The following GOLGA8H variants were observed in gnomAD, a reference collection of about 807,000 sequenced individuals.
The protein encoded by GOLGA8H is golgin A8 family member H, also known as golgin subfamily A member 8H.
A neutral mutation model predicts 82.7 loss-of-function variants in GOLGA8H; 47 were observed. The observed-to-expected ratio is 0.57, with a 90% CI of 0.45 to 0.73. The LOEUF (loss-of-function observed/expected upper bound fraction) is 0.73. GOLGA8H is among the 30% of genes least tolerant of loss of function. GOLGA8H has a pLI of 0.00. For synonymous variants in GOLGA8H, 108 were observed against 241.6 expected (o/e 0.45, Z 5.13); for missense variants, 372 against 661.0 (o/e 0.56, Z 4.79).
chr15:30,611,443 G>C (rs1239954329), intron 13 of GOLGA8H, 97 bp downstream of exon 13: 1 of 1,522,242 alleles, frequency 6.6e-7, no homozygotes, highest in Non-Finnish European at 8.8e-7. Flanking sequence ...GCAGCTTCCA[G>C]CCTGGGGGCT....
rs2060054015 is a variant in GOLGA8H at position 30,613,337 on chromosome 15, C to T, written c.1368+142C>T. On this transcript the variant is annotated intron_variant, in intron 15 of 18. Transcript: ENST00000566740. ...GAGCCAGTGGTCAGACTCCATTTCA[C>T]CTGTGGCCAACAGGTGCACTCTCTG... 51 of 757,566 alleles carry T rather than the reference C, an allele frequency of 6.7e-5. 19 individuals are homozygous for T. The highest frequency in any genetic ancestry group is 6.2e-5 in the Non-Finnish European group (31 of 498,390). 46.9% of individuals were successfully genotyped at this position (757,566 alleles called of 1,614,324 possible).
At chr15:30,607,757 C>T (rs1488290258) in intron 4 of GOLGA8H, 26 of 601,720 alleles carry the variant, frequency 4.3e-5, no homozygotes, top group Non-Finnish European at 6.4e-5. Context: ...GAAGGAGGGG[C>T]CTTTCTGAAA....
At position 30,614,541 on chromosome 15, in the gene GOLGA8H, C is replaced by A. The variant is rs757028458; in HGVS notation, c.1879C>A (p.Leu627Met). The change falls in exon 19 of 19, where the codon CTG (leucine) becomes ATG (methionine). Residue 627 changes from leucine (L) to methionine (M), a missense_variant. By Grantham distance (15) the Leu-to-Met change is conservative. Coordinates refer to ENST00000566740, the MANE Select transcript of GOLGA8H (RefSeq NM_001282490.2). ...TGTGCCATTGTTGTGCTGGGCTTGG[C>A]TGCCAAGAAGAAGGAGATAAACATC... ...CCVPLLCWAW[L>M]PRRRR 2.5e-6 allele frequency: 4 copies of A among 1,602,160 alleles called. No individual in the cohort carries two copies. The East Asian group carries it at 6.7e-5, about 27-fold the overall frequency.
At position 30,615,237 on chromosome 15, in the gene GOLGA8H, T is replaced by C. The variant is rs1292954136; in HGVS notation, c.*676T>C. 6.6e-6 allele frequency among the ~76,000 whole-genome samples: 1 copy of C among 151,798 alleles called. No homozygotes were observed. The highest frequency in any genetic ancestry group is 2.4e-5 in the African/African-American group (1 of 41,338). ...CCTCCTCTGGCAGGTACGTGCAGGA[T>C]AGAGTGTGTTTCATCTGTTCCGGTG... is the stretch of plus-strand genomic sequence containing the variant. On this transcript the variant is annotated 3_prime_UTR_variant, in exon 19 of 19. Coordinates refer to ENST00000566740, the MANE Select transcript of GOLGA8H (RefSeq NM_001282490.2).
rs917626485 is a variant in GOLGA8H at position 30,614,912 on chromosome 15, T to C, written c.*351T>C. Among the ~76,000 whole-genome samples the C allele has an allele frequency of 2.0e-5, 3 of 151,738 alleles. No homozygotes were observed. Among genetic ancestry groups the C allele is most frequent in the Non-Finnish European group, 4.4e-5 (3 of 67,912 alleles). On this transcript the variant is annotated 3_prime_UTR_variant, in exon 19 of 19. Coordinates refer to ENST00000566740, the MANE Select transcript of GOLGA8H (RefSeq NM_001282490.2). ...CTCTTTGGTTTGGAATAGGCTGCCA[T>C]GCTTTTTTAATGTTATTGCAGCATG...
Position 30,609,821 on chromosome 15 carries a change from A to G in GOLGA8H, c.607A>G (p.Lys203Glu). 1.3e-6 allele frequency: 2 copies of G among 1,579,052 alleles called. No homozygotes were observed. Among genetic ancestry groups the G allele is most frequent in the Non-Finnish European group, 1.7e-6 (2 of 1,156,806 alleles). Residue 203 changes from lysine (K) to glutamate (E), a missense_variant, in exon 9 of 19, where the codon AAA (lysine) becomes GAA (glutamate). Physicochemically the swap from Lys to Glu is moderately conservative, Grantham distance 56. Coordinates refer to ENST00000566740, the MANE Select transcript of GOLGA8H (RefSeq NM_001282490.2). ...KKANQLSSRSKARTEWKLEQS... is the reference protein window; with the variant it reads ...KKANQLSSRSEARTEWKLEQS... ...CACCATCCAGTTGTCCAGCCGCAGC[A>G]AAGCACGTACGGAGTGGAAGTTAGA... is the stretch of plus-strand genomic sequence containing the variant.
rs1905385 is a variant in GOLGA8H, at chr15:30,617,677, A to G, written c.*3116A>G. 22,982 of 151,856 alleles carry G rather than the reference A, an allele frequency of 0.15. 1,795 individuals carry two copies. Among genetic ancestry groups the G allele is most frequent in the African/African-American group, 0.21 (8,842 of 41,318 alleles). 9.4% of individuals were successfully genotyped at this position (151,856 alleles called of 1,614,324 possible). On this transcript the variant is annotated 3_prime_UTR_variant, in exon 19 of 19. Coordinates refer to ENST00000566740, the MANE Select transcript of GOLGA8H (RefSeq NM_001282490.2). Reference sequence around the variant, plus strand: ...GAATGTGTCATGGAAATACTGAAAGATTTTTCCCTAGAGTGGCCTTATTGA... The same window carrying G: ...GAATGTGTCATGGAAATACTGAAAGGTTTTTCCCTAGAGTGGCCTTATTGA...
intron 8 of GOLGA8H, 135 bp downstream of exon 8, chr15:30,608,891 G>A (rs2140826945): frequency 1.3e-6 from 1 of 794,788 alleles, no homozygotes; most frequent in Admixed American, 2.0e-5. Context: ...TTTTTTGTAT[G>A]GTTTTTAGTG....
rs566881261 is a variant in GOLGA8H at position 30,610,100 on chromosome 15, G to T, written c.780G>T (p.Ser260=). ...ARWQQRMRKM[S]QEICTLKKEK... ...GGCAGCAGAGGATGAGAAAAATGTC[G>T]CAGGAGGTGAGATCTCACCCTTCAG... Residue 260 remains serine (S), a synonymous_variant, in exon 10 of 19, where the codon TCG becomes TCT. Coordinates refer to ENST00000566740, the MANE Select transcript of GOLGA8H (RefSeq NM_001282490.2). The T allele has an allele frequency of 6.5e-5, 105 of 1,610,848 alleles. 2 individuals carry two copies. The highest frequency in any genetic ancestry group is 2.1e-4 in the Middle Eastern group (1 of 4,836).
chr15:30,605,995 G>C, intron 2 of GOLGA8H, 33 bp downstream of exon 2: 2 of 1,577,522 alleles, frequency 1.3e-6, no homozygotes, highest in Non-Finnish European at 1.7e-6. Context: ...TCTGGGGACA[G>C]GGGGCCCAAG....
In GOLGA8H at chr15:30,614,993, T is replaced by C. The variant is rs1428588355; in HGVS notation, c.*432T>C. Among the ~76,000 whole-genome samples, 2 of 151,854 alleles carry C rather than the reference T, an allele frequency of 1.3e-5. No individual in the cohort carries two copies. Among genetic ancestry groups the C allele is most frequent in the African/African-American group, 2.4e-5 (1 of 41,350 alleles). On this transcript the variant is annotated 3_prime_UTR_variant, in exon 19 of 19. Transcript: ENST00000566740. Reference sequence around the variant, plus strand: ...GCCTATGTTCTGCTGTTGTTTGATCTAATCTTAATCACAGTGAGCTCTTCA... The same window carrying C: ...GCCTATGTTCTGCTGTTGTTTGATCCAATCTTAATCACAGTGAGCTCTTCA...
Position 30,605,658 on chromosome 15 carries a change from CT to C in GOLGA8H, c.49-175del, listed in dbSNP as rs1234018049. Among the ~76,000 whole-genome samples, 713 of 149,348 alleles carry C rather than the reference CT, an allele frequency of 4.8e-3. 15 individuals carry two copies. Among genetic ancestry groups the C allele is most frequent in the African/African-American group, 0.017 (665 of 40,120 alleles). ...TTCAAAGTTCCAGTATTGCCTTTTT[CT>C]TTTTTTTTTCTAGCCATGATATCAA... On this transcript the variant is annotated intron_variant, in intron 1 of 18. Transcript: ENST00000566740.
rs201930039 is a variant in GOLGA8H, at chr15:30,608,451, G to C, written c.397-16G>C. 6.4e-5 allele frequency: 103 copies of C among 1,608,532 alleles called. 2 individuals carry two copies. The highest frequency in any genetic ancestry group is 1.5e-4 in the African/African-American group (11 of 74,180). On this transcript the variant is annotated splice_polypyrimidine_tract_variant and intron_variant, in intron 6 of 18. Coordinates refer to ENST00000566740, the MANE Select transcript of GOLGA8H (RefSeq NM_001282490.2). ...TTTCCTTCTCTTTCAGCACTTGCTT[G>C]GCTTTTCTCCCAAAGGTTCAAATCC...
At chr15:30,611,641 T>G (rs1330259449) in intron 13 of GOLGA8H, among the ~76,000 whole-genome samples, 1 of 142,936 alleles carries the variant, frequency 7.0e-6, no homozygotes, top group Non-Finnish European at 1.5e-5. Context: ...GTGCAGTGGC[T>G]CATGCCTATA....
Position 30,610,369 on chromosome 15 carries a change from C to G in GOLGA8H, c.854C>G (p.Ser285Cys). ...GTAGAGAAGCTGGAGAGGAGCTTGT[C>G]CAAACTCAAAAACCAGATGGGTAAG... is the stretch of plus-strand genomic sequence containing the variant. ...RRVEKLERSL[S>C]KLKNQMAEPL... The change falls in exon 11 of 19, where the codon TCC becomes TGC. Residue 285 changes from serine (S) to cysteine (C), a missense_variant. Ser to Cys is a moderately radical substitution (Grantham distance 112, BLOSUM62 -1). Transcript: ENST00000566740. The G allele has an allele frequency of 7.5e-7, 1 of 1,336,636 alleles. No homozygotes were observed. The highest frequency in any genetic ancestry group is 1.0e-6 in the Non-Finnish European group (1 of 959,556). 82.8% of individuals were successfully genotyped at this position (1,336,636 alleles called of 1,614,324 possible).
chr15:30,606,103 C>G (rs1595615451), intron 2 of GOLGA8H, 141 bp downstream of exon 2: 1 of 1,438,184 alleles, frequency 7.0e-7, no homozygotes, highest in African/African-American at 1.4e-5. Context: ...GCCTGTAATC[C>G]TAGCACTTTG....
chr15:30,608,006 C>A lies in GOLGA8H; in HGVS notation c.310-24C>A, dbSNP rs201388868. On this transcript the variant is annotated intron_variant, in intron 4 of 18. Transcript: ENST00000566740. ...TAGAGTTGAGGGGGCCACCCTCCATCACCTTATTTGACTCTCCCCACAGAA... is the reference window on the plus strand; with the variant it reads ...TAGAGTTGAGGGGGCCACCCTCCATAACCTTATTTGACTCTCCCCACAGAA... 3,769 of 1,593,284 alleles carry A rather than the reference C, an allele frequency of 2.4e-3. 38 individuals are homozygous for A. The highest frequency in any genetic ancestry group is 2.9e-3 in the Non-Finnish European group (3,405 of 1,176,972).
rs1244787466 is a variant in GOLGA8H at position 30,617,434 on chromosome 15, TAAAG to T, written c.*2875_*2878del. 6.6e-6 allele frequency: 1 copy of T among 150,796 alleles called. No individual in the cohort carries two copies. Among genetic ancestry groups the T allele is most frequent in the Non-Finnish European group, 1.5e-5 (1 of 67,712 alleles). 9.3% of individuals were successfully genotyped at this position (150,796 alleles called of 1,614,324 possible). On this transcript the variant is annotated 3_prime_UTR_variant, in exon 19 of 19. Coordinates refer to ENST00000566740, the MANE Select transcript of GOLGA8H (RefSeq NM_001282490.2). Reference sequence around the variant, plus strand: ...ATATAGTTTCTCTAAAACTTTATTTTAAAGAGTCATTTTAAAATAATATAACTAT... The same window carrying T: ...ATATAGTTTCTCTAAAACTTTATTTTAGTCATTTTAAAATAATATAACTAT...
rs1567487623 is a variant in GOLGA8H at position 30,610,008 on chromosome 15, T to G, written c.688T>G (p.Ser230Ala). Reference sequence around the variant, plus strand: ...GTGCCCATTCTTGCAGTTGAAGGAGTCATTTCAACAAGTCCAATTAGAAAG... The same window carrying G: ...GTGCCCATTCTTGCAGTTGAAGGAGGCATTTCAACAAGTCCAATTAGAAAG... Reference protein sequence around the residue: ...LKVQLTQLKESFQQVQLERDE... With the variant: ...LKVQLTQLKEAFQQVQLERDE... Residue 230 changes from serine (S) to alanine (A), a missense_variant, in exon 10 of 19, where the codon TCA becomes GCA. Coordinates refer to ENST00000566740, the MANE Select transcript of GOLGA8H (RefSeq NM_001282490.2). 6.2e-7 allele frequency: 1 copy of G among 1,611,298 alleles called. No homozygotes were observed. The highest frequency in any genetic ancestry group is 2.2e-5 in the East Asian group (1 of 44,774).
Sources: allele counts gnomAD v4.1 joint callset (sites outside exome capture counted in the v4.1 genomes callset), GRCh38; gene constraint gnomAD v4.1.1; transcripts MANE v1.5; gene names NCBI Gene and HGNC (gene_info 2026-07-23, HGNC 2026-07-21).